GSK3B: variants seen among roughly 807,000 people sequenced by gnomAD.
GSK3B encodes the protein glycogen synthase kinase-3 beta.
In GSK3B, 15 loss-of-function variants were observed where a neutral mutation model predicts 56.4. The ratio of observed to expected loss-of-function variants is 0.27; its 90% CI spans 0.18 to 0.41. The LOEUF (loss-of-function observed/expected upper bound fraction) is 0.41, where lower values mean the gene tolerates loss of function less well. GSK3B is among the 10% of genes least tolerant of loss of function. The pLI, the probability that GSK3B is intolerant of heterozygous loss-of-function variation, is 1.00. For synonymous variants in GSK3B, 181 were observed against 188.9 expected (o/e 0.96, Z 0.34); for missense variants, 300 against 513.4 (o/e 0.58, Z 4.02).
intron 7 of GSK3B, among the ~76,000 whole-genome samples, chr3:119,882,974 G>C (rs1270741355): frequency 6.6e-6 from 1 of 152,052 alleles, no homozygotes; most frequent in Admixed American, 6.5e-5. Flanking sequence ...AATTGTTGGT[G>C]TATTCACTAT....
intron 1 of GSK3B, among the ~76,000 whole-genome samples, chr3:120,090,230 TAA>T (rs55859010): frequency 3.2e-4 from 47 of 146,204 alleles, no homozygotes; most frequent in African/African-American, 5.2e-4. Flanking sequence ...AAGCTGTATA[TAA>T]AAAAAAAAAA....
intron 8 of GSK3B, chr3:119,866,515 G>A: frequency 2.3e-6 from 2 of 855,144 alleles, no homozygotes; most frequent in Non-Finnish European, 4.0e-6. Flanking sequence ...TAATTATTTA[G>A]CCTCTCAAAG....
At chr3:119,915,932 T>G (rs1284157136) in intron 5 of GSK3B, 112 bp downstream of exon 5, 1 of 705,796 alleles carries the variant, frequency 1.4e-6, no homozygotes, top group Non-Finnish European at 2.3e-6. Context: ...TTATACTTCT[T>G]GAATAAGAAT....
intron 9 of GSK3B, among the ~76,000 whole-genome samples, chr3:119,855,085 C>T (rs964551130): frequency 2.6e-5 from 4 of 152,162 alleles, no homozygotes; most frequent in Non-Finnish European, 5.9e-5. Flanking sequence ...CTATATGCTG[C>T]TTTAAATGTG....
chr3:119,879,200 A>T (rs2056350752), intron 7 of GSK3B, among the ~76,000 whole-genome samples: 1 of 152,184 alleles, frequency 6.6e-6, no homozygotes, highest in Non-Finnish European at 1.5e-5. Flanking sequence ...ATTTATTTAG[A>T]GACGGAGTCT....
chr3:119,916,905 G>A (rs912869130), intron 4 of GSK3B, among the ~76,000 whole-genome samples: 1 of 152,164 alleles, frequency 6.6e-6, no homozygotes, highest in East Asian at 1.9e-4. Flanking sequence ...AAGATACACT[G>A]AGAAACTGGG....
chr3:119,845,846 G>A lies in GSK3B; in HGVS notation c.1097-2493C>T, dbSNP rs567979845. Reference sequence around the variant, plus strand: ...TTCATATGGAACCAAAAAAGAGCCCGTATAGCCAAGACAATCCTAAGCAAA... The same window carrying A: ...TTCATATGGAACCAAAAAAGAGCCCATATAGCCAAGACAATCCTAAGCAAA... On this transcript the variant is annotated intron_variant, in intron 9 of 10. Transcript: ENST00000264235. Among the ~76,000 whole-genome samples, 45 of 152,170 alleles carry A rather than the reference G, an allele frequency of 3.0e-4. No individual in the cohort carries two copies. The South Asian group carries it at 8.9e-3, about 30-fold the overall frequency.
Position 119,846,937 on chromosome 3 carries a change from C to T in GSK3B, c.1097-3584G>A, listed in dbSNP as rs570982459. ...TAAAGAAAATGTGGCCCATATACAT[C>T]ACAGAATATTATGCAGCCATAAAAA... On this transcript the variant is annotated intron_variant, in intron 9 of 10. Coordinates refer to ENST00000264235, the MANE Select transcript of GSK3B (RefSeq NM_001146156.2). Among the ~76,000 whole-genome samples, 23 of 152,326 alleles carry T rather than the reference C, an allele frequency of 1.5e-4. No individual in the cohort carries two copies. The South Asian group carries it at 4.8e-3, about 32-fold the overall frequency.
chr3:120,020,541 G>T (rs1158729032), intron 1 of GSK3B, among the ~76,000 whole-genome samples: 1 of 152,010 alleles, frequency 6.6e-6, no homozygotes, highest in East Asian at 1.9e-4. Flanking sequence ...ATCAATGAAG[G>T]CAAACTTAAT....
intron 1 of GSK3B, among the ~76,000 whole-genome samples, chr3:120,075,539 G>A (rs535246709): frequency 4.6e-4 from 70 of 152,284 alleles, no homozygotes; most frequent in African/African-American, 1.6e-3. Flanking sequence ...TAGTAAAGTT[G>A]TAGGATATAA....
intron 7 of GSK3B, among the ~76,000 whole-genome samples, chr3:119,879,291 C>T (rs1400271834): frequency 6.6e-6 from 1 of 152,192 alleles, no homozygotes; most frequent in African/African-American, 2.4e-5. Flanking sequence ...CACCATTCTC[C>T]TGCCTCAGCC....
intron 1 of GSK3B, among the ~76,000 whole-genome samples, chr3:120,053,689 C>T (rs1347085724): frequency 6.6e-6 from 1 of 152,208 alleles, no homozygotes; most frequent in Non-Finnish European, 1.5e-5. Flanking sequence ...AAAATTCCTA[C>T]GTGTTGTGGG....
At chr3:119,938,234 TA>T (rs1342935823) in intron 3 of GSK3B, among the ~76,000 whole-genome samples, 2 of 151,658 alleles carry the variant, frequency 1.3e-5, no homozygotes, top group African/African-American at 2.4e-5. Context: ...AAGACTCTTC[TA>T]AAAAAAATAG....
At chr3:120,002,320 A>G in intron 1 of GSK3B, 81 bp from the exon 2 acceptor site, 1 of 658,908 alleles carries the variant, frequency 1.5e-6, no homozygotes, top group Non-Finnish European at 2.4e-6. Context: ...TACAAGGTAA[A>G]CTATATTCTT....
intron 9 of GSK3B, among the ~76,000 whole-genome samples, chr3:119,851,850 T>G (rs141908396): frequency 1.5e-3 from 232 of 152,362 alleles, no homozygotes; most frequent in Middle Eastern, 3.4e-3. Context: ...TTTAAATGAC[T>G]TAATAATGGA....
intron 3 of GSK3B, among the ~76,000 whole-genome samples, chr3:119,936,963 T>C (rs2107480845): frequency 6.6e-6 from 1 of 152,164 alleles, no homozygotes; most frequent in Admixed American, 6.5e-5. Context: ...AGCATAGGTC[T>C]ATGCAGGATA....
At chr3:120,028,957 A>G in intron 1 of GSK3B, 1 of 571,112 alleles carries the variant, frequency 1.8e-6, no homozygotes, top group Middle Eastern at 3.4e-4. Flanking sequence ...TGAAGCATAC[A>G]AGAGAAGTGC....
chr3:119,935,715 A>G (rs1422846213), intron 3 of GSK3B, among the ~76,000 whole-genome samples: 1 of 152,208 alleles, frequency 6.6e-6, no homozygotes, highest in Non-Finnish European at 1.5e-5. Context: ...CAAAAAACAG[A>G]AGCAGAGGGA....
chr3:119,832,939 T>G, intron 10 of GSK3B: 1 of 971,382 alleles, frequency 1.0e-6, no homozygotes, highest in Non-Finnish European at 1.2e-6. Flanking sequence ...GGACAGGATC[T>G]ACAGCATTTT....
Sources: gnomAD v4.1 joint callset for allele counts (sites outside exome capture counted in the v4.1 genomes callset) on GRCh38, gnomAD v4.1.1 for gene constraint, MANE v1.5 for transcripts, NCBI Gene and HGNC (gene_info 2026-07-23, HGNC 2026-07-21) for gene names.